Variants in SGCZ observed in about 807,000 individuals in gnomAD.
The protein encoded by SGCZ is sarcoglycan zeta, also known as zeta-sarcoglycan.
Under a neutral mutation model 41.3 loss-of-function variants are expected in SGCZ, and 40 were observed. The ratio of observed to expected loss-of-function variants is 0.97; its 90% CI spans 0.75 to 1.26. SGCZ has a LOEUF of 1.26. Ranked by LOEUF, SGCZ falls within the 50% of genes most tolerant of loss-of-function variation. The pLI, the probability that SGCZ is intolerant of heterozygous loss-of-function variation, is 0.00. For synonymous variants in SGCZ, 206 were observed against 137.5 expected (o/e 1.50, Z -3.49); for missense variants, 552 against 369.8 (o/e 1.49, Z -4.04).
chr8:14,536,891 T>C (rs1803313401), intron 2 of SGCZ, among the ~76,000 whole-genome samples: 1 of 151,960 alleles, frequency 6.6e-6, no homozygotes, highest in African/African-American at 2.4e-5. Flanking sequence ...AGAAGTGACC[T>C]GCTATAAAGC....
intron 1 of SGCZ, among the ~76,000 whole-genome samples, chr8:15,177,944 A>T (rs112269025): frequency 6.6e-5 from 10 of 152,128 alleles, no homozygotes; most frequent in African/African-American, 2.4e-4. Flanking sequence ...AGGCCTCACC[A>T]CTTCCTATAA....
intron 1 of SGCZ, among the ~76,000 whole-genome samples, chr8:14,839,862 C>A (rs1585308253): frequency 1.3e-5 from 2 of 152,082 alleles, no homozygotes; most frequent in South Asian, 4.1e-4. Flanking sequence ...ACCCACTTGA[C>A]AAGGATTGAA....
chr8:14,185,342 G>T (rs1010640793), intron 4 of SGCZ, among the ~76,000 whole-genome samples: 2 of 152,098 alleles, frequency 1.3e-5, no homozygotes, highest in Non-Finnish European at 2.9e-5. Context: ...GGCGTAGGTT[G>T]CAGTGAGCCG....
At chr8:15,218,007 C>T (rs1397011271) in intron 1 of SGCZ, among the ~76,000 whole-genome samples, 1 of 151,994 alleles carries the variant, frequency 6.6e-6, no homozygotes, top group Non-Finnish European at 1.5e-5. Context: ...AATTACTTCA[C>T]CCTGGGAGGC....
intron 1 of SGCZ, among the ~76,000 whole-genome samples, chr8:15,168,904 T>C (rs1207834815): frequency 2.0e-5 from 3 of 152,196 alleles, no homozygotes; most frequent in African/African-American, 7.2e-5. Context: ...AAGCTCAGCA[T>C]GCTGGCAAAA....
chr8:14,633,087 G>A (rs1806712170), intron 1 of SGCZ, among the ~76,000 whole-genome samples: 2 of 151,976 alleles, frequency 1.3e-5, no homozygotes, highest in Non-Finnish European at 2.9e-5. Flanking sequence ...AACTGTCACA[G>A]CAATGGTATT....
chr8:14,866,809 G>GA (rs1438082790), intron 1 of SGCZ, among the ~76,000 whole-genome samples: 9 of 150,314 alleles, frequency 6.0e-5, no homozygotes, highest in Non-Finnish European at 1.0e-4. Flanking sequence ...GAAACTAAAA[G>GA]AAAAAAAAGG....
chr8:14,517,809 T>C (rs1802668994), intron 2 of SGCZ, among the ~76,000 whole-genome samples: 1 of 151,870 alleles, frequency 6.6e-6, no homozygotes, highest in Non-Finnish European at 1.5e-5. Flanking sequence ...TGAAAAGTCA[T>C]GATTTCCATT....
intron 2 of SGCZ, among the ~76,000 whole-genome samples, chr8:14,469,555 T>G (rs1585557189): frequency 6.6e-6 from 1 of 152,038 alleles, no homozygotes; most frequent in African/African-American, 2.4e-5. Flanking sequence ...CTAAAATCCT[T>G]GGAATCTTTG....
intron 1 of SGCZ, among the ~76,000 whole-genome samples, chr8:14,614,635 G>C (rs1408408102): frequency 1.3e-5 from 2 of 152,060 alleles, no homozygotes; most frequent in African/African-American, 4.8e-5. Context: ...TCATTTTTGA[G>C]TTGGTACTAC....
intron 4 of SGCZ, among the ~76,000 whole-genome samples, chr8:14,216,929 A>G (rs1368656126): frequency 6.6e-6 from 1 of 152,208 alleles, no homozygotes; most frequent in Non-Finnish European, 1.5e-5. Flanking sequence ...AAACTGTAGC[A>G]GAACAGTTAT....
At chr8:14,587,036 A>T (rs1046783702) in intron 1 of SGCZ, among the ~76,000 whole-genome samples, 2 of 151,894 alleles carry the variant, frequency 1.3e-5, no homozygotes, top group African/African-American at 4.8e-5. Flanking sequence ...TTAAAAAAAA[A>T]ACAAAATAAA....
chr8:15,035,460 G>A (rs955708911), intron 1 of SGCZ, among the ~76,000 whole-genome samples: 1 of 152,056 alleles, frequency 6.6e-6, no homozygotes, highest in East Asian at 1.9e-4. Flanking sequence ...AAGACAACCA[G>A]AATACAATTA....
intron 1 of SGCZ, among the ~76,000 whole-genome samples, chr8:14,633,421 G>A (rs1375618819): frequency 6.6e-6 from 1 of 151,892 alleles, no homozygotes; most frequent in East Asian, 1.9e-4. Flanking sequence ...TTTTGAATAA[G>A]TAACCTATTA....
chr8:14,313,433 C>T (rs1466220305), intron 3 of SGCZ, among the ~76,000 whole-genome samples: 1 of 152,176 alleles, frequency 6.6e-6, no homozygotes, highest in African/African-American at 2.4e-5. Flanking sequence ...CATGCCTCAG[C>T]CTCCTCCCAA....
chr8:14,354,772 G>T (rs77176877), intron 2 of SGCZ, among the ~76,000 whole-genome samples: 6 of 151,530 alleles, frequency 4.0e-5, no homozygotes, highest in Non-Finnish European at 8.9e-5. Flanking sequence ...AACATCTAAA[G>T]CTAAAAAACA....
At chr8:15,205,313 A>G (rs1801024220) in intron 1 of SGCZ, among the ~76,000 whole-genome samples, 1 of 152,198 alleles carries the variant, frequency 6.6e-6, no homozygotes, top group South Asian at 2.1e-4. Context: ...AACAGAGTAA[A>G]CAGACAACCT....
chr8:14,460,709 C>G (rs1585545383), intron 2 of SGCZ, among the ~76,000 whole-genome samples: 1 of 152,054 alleles, frequency 6.6e-6, no homozygotes, highest in East Asian at 1.9e-4. Flanking sequence ...TGTATTAGAT[C>G]AAGAAAGACA....
At chr8:14,436,052 T>C (rs1033693281) in intron 2 of SGCZ, among the ~76,000 whole-genome samples, 12 of 152,202 alleles carry the variant, frequency 7.9e-5, no homozygotes, top group African/African-American at 2.9e-4. Flanking sequence ...CCCTGACCTA[T>C]AGCCATGATG....
Sources: allele counts gnomAD v4.1 joint callset (sites outside exome capture counted in the v4.1 genomes callset), GRCh38; gene constraint gnomAD v4.1.1; transcripts MANE v1.5; gene names NCBI Gene and HGNC (gene_info 2026-07-23, HGNC 2026-07-21).